Variants in CREB5 observed in about 807,000 individuals in gnomAD.
The protein encoded by CREB5 is cyclic AMP-responsive element-binding protein 5.
In CREB5, 19 loss-of-function variants were observed where a neutral mutation model predicts 57.1. That is an observed-to-expected ratio of 0.33 (90% CI 0.23 to 0.49). The LOEUF (loss-of-function observed/expected upper bound fraction) is 0.49, where lower values mean the gene tolerates loss of function less well. Ranked by LOEUF, CREB5 falls within the 20% of genes least tolerant of loss-of-function variation. CREB5 has a pLI of 0.99. For missense variants in CREB5, 579 were observed against 671.6 expected, an observed-to-expected ratio of 0.86 and a Z score of 1.52; for synonymous variants, 238 against 238.3, an observed-to-expected ratio of 1.00 and a Z score of 0.01.
chr7:28,419,285 C>A (rs1583439718), intron 1 of CREB5, among the ~76,000 whole-genome samples: 1 of 152,372 alleles, frequency 6.6e-6, no homozygotes, highest in Non-Finnish European at 1.5e-5. Context: ...TCTAGCCCTA[C>A]CTCCTAAATT....
At chr7:28,805,432 C>A (rs755825534) in intron 8 of CREB5, among the ~76,000 whole-genome samples, 2 of 152,180 alleles carry the variant, frequency 1.3e-5, no homozygotes, top group Non-Finnish European at 2.9e-5. Flanking sequence ...GTCCACACTG[C>A]CAGCTTCCAA....
intron 1 of CREB5, among the ~76,000 whole-genome samples, chr7:28,321,516 G>GTA (rs1345228944): frequency 6.6e-6 from 1 of 152,216 alleles, no homozygotes; most frequent in Non-Finnish European, 1.5e-5. Context: ...CTCTGGGCAA[G>GTA]TATAGACTCA....
chr7:28,623,137 C>T (rs940219733), intron 5 of CREB5, among the ~76,000 whole-genome samples: 2 of 152,150 alleles, frequency 1.3e-5, no homozygotes, highest in Non-Finnish European at 2.9e-5. Flanking sequence ...GCTGCCTCAG[C>T]CTCCCAAAGT....
chr7:28,417,796 C>T (rs937628563), intron 1 of CREB5, among the ~76,000 whole-genome samples: 2 of 152,152 alleles, frequency 1.3e-5, no homozygotes, highest in East Asian at 1.9e-4. Context: ...AAGCATGCTG[C>T]ACCCTGCAAC....
At chr7:28,324,305 T>C (rs541963853) in intron 1 of CREB5, among the ~76,000 whole-genome samples, 12 of 152,268 alleles carry the variant, frequency 7.9e-5, no homozygotes, top group African/African-American at 2.6e-4. Context: ...GTAAGCACTA[T>C]CTTCACTCCC....
At chr7:28,554,101 C>T (rs1454494657) in intron 4 of CREB5, among the ~76,000 whole-genome samples, 3 of 152,128 alleles carry the variant, frequency 2.0e-5, no homozygotes, top group Non-Finnish European at 4.4e-5. Flanking sequence ...CAAATAGGAA[C>T]ATGAAATAAA....
chr7:28,704,500 G>C (rs1044998836), intron 5 of CREB5, among the ~76,000 whole-genome samples: 3 of 151,638 alleles, frequency 2.0e-5, no homozygotes, highest in Non-Finnish European at 2.9e-5. Flanking sequence ...TTAAGACAGA[G>C]TCTCTGTTTC....
chr7:28,773,362 A>G (rs1562630953), intron 7 of CREB5, among the ~76,000 whole-genome samples: 1 of 152,232 alleles, frequency 6.6e-6, no homozygotes, highest in Non-Finnish European at 1.5e-5. Flanking sequence ...CTAAAGCTTA[A>G]GCATAATTAC....
intron 1 of CREB5, among the ~76,000 whole-genome samples, chr7:28,358,376 G>A (rs572859121): frequency 6.6e-6 from 1 of 152,332 alleles, no homozygotes; most frequent in South Asian, 2.1e-4. Flanking sequence ...CAGCTGCTGT[G>A]TCTCTGGGAC....
Position 28,509,804 on chromosome 7 carries a change from G to T in CREB5, c.291+2067G>T, listed in dbSNP as rs141884705. On this transcript the variant is annotated intron_variant, in intron 4 of 10. Transcript: ENST00000357727. ...GCTCATAGCCATGTGATGCTTTCAT[G>T]ATAGGTGTGTGGGTGGGGAACGGCC... Among the ~76,000 whole-genome samples, 614 of 152,292 alleles carry T rather than the reference G, an allele frequency of 4.0e-3. 2 individuals carry two copies. The highest frequency in any genetic ancestry group is 6.5e-3 in the Non-Finnish European group (441 of 68,028).
Position 28,593,850 on chromosome 7 carries a change from C to T in CREB5, c.464+23313C>T, listed in dbSNP as rs189769731. Among the ~76,000 whole-genome samples the T allele has an allele frequency of 2.2e-3, 339 of 152,220 alleles. 2 individuals are homozygous for T. The highest frequency in any genetic ancestry group is 0.016 in the Admixed American group (247 of 15,290). Reference sequence around the variant, plus strand: ...AGAGAGGACCCATTAATTTTGGATCCGTTAGTGACATAAAGCCTGCCAAGT... The same window carrying T: ...AGAGAGGACCCATTAATTTTGGATCTGTTAGTGACATAAAGCCTGCCAAGT... On this transcript the variant is annotated intron_variant, in intron 5 of 10. Transcript: ENST00000357727.
chr7:28,320,347 G>A (rs1409792104), intron 1 of CREB5, among the ~76,000 whole-genome samples: 2 of 152,074 alleles, frequency 1.3e-5, no homozygotes, highest in Non-Finnish European at 2.9e-5. Flanking sequence ...TCCATTACAG[G>A]GAATCTAGGG....
At chr7:28,680,632 A>G (rs1186497496) in intron 5 of CREB5, among the ~76,000 whole-genome samples, 1 of 152,050 alleles carries the variant, frequency 6.6e-6, no homozygotes, top group Non-Finnish European at 1.5e-5. Context: ...GGTGGTGCAC[A>G]CCTGTAGTTC....
chr7:28,791,109 AC>A (rs1271918122), intron 7 of CREB5, among the ~76,000 whole-genome samples: 1 of 152,004 alleles, frequency 6.6e-6, no homozygotes, highest in Non-Finnish European at 1.5e-5. Flanking sequence ...ACTTGATAAT[AC>A]CCCTTTGGTG....
At chr7:28,708,214 C>T (rs1020557772) in intron 5 of CREB5, among the ~76,000 whole-genome samples, 2 of 152,252 alleles carry the variant, frequency 1.3e-5, no homozygotes, top group Non-Finnish European at 2.9e-5. Flanking sequence ...GTGATCCTCT[C>T]AGCACGCTAT....
chr7:28,724,234 A>T lies in CREB5; in HGVS notation c.604A>T (p.Met202Leu), dbSNP rs1174612407. ...TCCTTTCTCTTAGATGGAGCGACAA[A>T]TGTCAGTGAACTCCAGCATCATGGG... ...SAVLMPMERQMSVNSSIMGMQ... is the reference protein window; with the variant it reads ...SAVLMPMERQLSVNSSIMGMQ... The change falls in exon 7 of 11, where the codon ATG (methionine) becomes TTG (leucine). Residue 202 changes from methionine (M) to leucine (L), a missense_variant. By Grantham distance (15) the Met-to-Leu change is conservative (BLOSUM62 2). Transcript: ENST00000357727. The T allele has an allele frequency of 6.2e-7, 1 of 1,613,056 alleles. No individual in the cohort carries two copies. Among genetic ancestry groups the T allele is most frequent in the Non-Finnish European group, 8.5e-7 (1 of 1,179,644 alleles).
chr7:28,595,901 C>T (rs569961488), intron 5 of CREB5, among the ~76,000 whole-genome samples: 2 of 152,336 alleles, frequency 1.3e-5, no homozygotes, highest in East Asian at 3.9e-4. Context: ...TTAACCTCGG[C>T]AGACAGATAT....
rs1339258646 is a variant in CREB5 at position 28,710,518 on chromosome 7, T to C, written c.465-8235T>C. On this transcript the variant is annotated intron_variant, in intron 5 of 10. Coordinates refer to ENST00000357727, the MANE Select transcript of CREB5 (RefSeq NM_182898.4). ...AAAATTAATGAATTGCTAGATGCTA[T>C]GGTGAGTGCCTGTAGTCCCAGCTAC... is the stretch of plus-strand genomic sequence containing the variant. Among the ~76,000 whole-genome samples the C allele has an allele frequency of 2.0e-5, 3 of 152,176 alleles. No homozygotes were observed. The East Asian group carries it at 5.8e-4, about 29-fold the overall frequency.
chr7:28,515,997 C>T (rs944730528), intron 4 of CREB5, among the ~76,000 whole-genome samples: 1 of 151,794 alleles, frequency 6.6e-6, no homozygotes, highest in African/African-American at 2.4e-5. Context: ...CACTTGAGCT[C>T]AGGAGTTTAA....
Sources: allele counts gnomAD v4.1 joint callset (sites outside exome capture counted in the v4.1 genomes callset), GRCh38; gene constraint gnomAD v4.1.1; transcripts MANE v1.5; gene names NCBI Gene and HGNC (gene_info 2026-07-23, HGNC 2026-07-21).